ATP2B2: variants seen among roughly 807,000 people sequenced by gnomAD.
ATP2B2 encodes plasma membrane calcium-transporting ATPase 2.
In ATP2B2, 15 loss-of-function variants were observed where a neutral mutation model predicts 120.0. That is an observed-to-expected ratio of 0.12 (90% CI 0.08 to 0.19). ATP2B2 has a LOEUF of 0.19. Among genes scored for constraint, ATP2B2 ranks in the 10% least tolerant of loss-of-function variants. The pLI is 1.00. For synonymous variants in ATP2B2, 694 were observed against 700.3 expected (o/e 0.99, Z 0.14); for missense variants, 1,045 against 1,719.8 (o/e 0.61, Z 6.94).
intron 1 of ATP2B2, among the ~76,000 whole-genome samples, chr3:10,658,546 A>G (rs1431718307): frequency 5.9e-5 from 9 of 152,346 alleles, no homozygotes; most frequent in African/African-American, 2.2e-4. Context: ...TTTAGAGAAA[A>G]AAGAGTAAAA....
chr3:10,527,897 G>C (rs4684708), intron 3 of ATP2B2, among the ~76,000 whole-genome samples: 86,926 of 151,946 alleles, frequency 0.57, 25,832 homozygotes, highest in East Asian at 0.93. Flanking sequence ...CCACGGCACC[G>C]AGGCCTGGCT....
chr3:10,685,302 C>T (rs184263625), intron 1 of ATP2B2, among the ~76,000 whole-genome samples: 90 of 152,268 alleles, frequency 5.9e-4, no homozygotes, highest in African/African-American at 2.1e-3. Context: ...TGGGACCAGA[C>T]GGGTCCTGAA....
chr3:10,332,131 C>T, intron 22 of ATP2B2: 1 of 1,097,288 alleles, frequency 9.1e-7, no homozygotes, highest in Non-Finnish European at 1.4e-6. Flanking sequence ...CAAGGTTGCA[C>T]TAAATTAGTT....
rs1213960811 is a variant in ATP2B2 at position 10,600,663 on chromosome 3, G to A, written c.-415+19254C>T. 2.6e-5 allele frequency among the ~76,000 whole-genome samples: 4 copies of A among 152,300 alleles called. No individual in the cohort carries two copies. In the East Asian group the frequency reaches 5.8e-4, roughly 22 times the overall value. ...TGGTTCCTAATCAGTGGGATCTGCC[G>A]CCCCCTCCCTGCCCCTGGCCCGGCA... On this transcript the variant is annotated intron_variant, in intron 2 of 21. Coordinates refer to the ATP2B2 transcript ENST00000646379.
At chr3:10,370,172 T>G (rs1390202773) in intron 12 of ATP2B2, among the ~76,000 whole-genome samples, 1 of 152,240 alleles carries the variant, frequency 6.6e-6, no homozygotes, top group Non-Finnish European at 1.5e-5. Flanking sequence ...TAATTGAGAC[T>G]CATCACTGTG....
chr3:10,609,907 G>A (rs2069183068), intron 2 of ATP2B2, among the ~76,000 whole-genome samples: 3 of 151,884 alleles, frequency 2.0e-5, no homozygotes, highest in African/African-American at 7.3e-5. Flanking sequence ...TCCCATCCTC[G>A]GCCACAATGG....
At chr3:10,649,504 G>A (rs1238129782) in intron 1 of ATP2B2, among the ~76,000 whole-genome samples, 2 of 152,170 alleles carry the variant, frequency 1.3e-5, no homozygotes, top group African/African-American at 4.8e-5. Flanking sequence ...TCCAGCACAG[G>A]CCTTTTGCAT....
At chr3:10,406,022 TG>T in intron 3 of ATP2B2, among the ~76,000 whole-genome samples, 1 of 152,272 alleles carries the variant, frequency 6.6e-6, no homozygotes, top group South Asian at 2.1e-4. Context: ...AAAATGATGT[TG>T]GTAGAGGACT....
chr3:10,492,213 G>A (rs1456503150), intron 1 of ATP2B2, among the ~76,000 whole-genome samples: 1 of 151,896 alleles, frequency 6.6e-6, no homozygotes, highest in African/African-American at 2.4e-5. Flanking sequence ...CTTCTCCGGG[G>A]TGCTCTGCTG....
At chr3:10,573,865 T>C (rs369641983) in intron 2 of ATP2B2, among the ~76,000 whole-genome samples, 61 of 152,162 alleles carry the variant, frequency 4.0e-4, no homozygotes, top group African/African-American at 1.5e-3. Flanking sequence ...CTCTGGGAGC[T>C]GTCAGCCCAG....
At chr3:10,357,153 G>A (rs1404791662) in intron 14 of ATP2B2, among the ~76,000 whole-genome samples, 1 of 152,178 alleles carries the variant, frequency 6.6e-6, no homozygotes, top group Non-Finnish European at 1.5e-5. Context: ...CTACTGAAGA[G>A]GGCATGAAGG....
rs554075329 is a variant in ATP2B2, at chr3:10,417,488, C to T, written c.200-6673G>A. The stretch of plus-strand genomic sequence containing the variant: ...AGCTGGACGGCCCACAATGGGTGTC[C>T]TGCACCAGATGCCAGGCCCCACTCA... On this transcript the variant is annotated intron_variant, in intron 2 of 22. Transcript: ENST00000360273. Among the ~76,000 whole-genome samples the T allele has an allele frequency of 4.6e-5, 7 of 152,316 alleles. No individual in the cohort carries two copies. In the East Asian group the frequency reaches 1.3e-3, roughly 29 times the overall value.
At chr3:10,482,667 C>A (rs558625784) in intron 1 of ATP2B2, among the ~76,000 whole-genome samples, 2 of 152,320 alleles carry the variant, frequency 1.3e-5, no homozygotes. Context: ...TGCCAGGTCT[C>A]CCCCCTGAGG....
intron 5 of ATP2B2, among the ~76,000 whole-genome samples, chr3:10,396,994 C>G (rs1038410534): frequency 6.6e-6 from 1 of 152,178 alleles, no homozygotes; most frequent in African/African-American, 2.4e-5. Flanking sequence ...CAGCACTGTG[C>G]TAGGGGATCC....
intron 21 of ATP2B2, among the ~76,000 whole-genome samples, chr3:10,339,196 G>C (rs1028249920): frequency 5.9e-5 from 9 of 152,246 alleles, no homozygotes; most frequent in Non-Finnish European, 1.2e-4. Flanking sequence ...GCCTCCTGTA[G>C]GGGGTGGGCC....
At chr3:10,688,581 T>A (rs1485854390) in intron 1 of ATP2B2, among the ~76,000 whole-genome samples, 1 of 152,026 alleles carries the variant, frequency 6.6e-6, no homozygotes, top group African/African-American at 2.4e-5. Context: ...ATGACCCAGG[T>A]CCCCCAAGAA....
At chr3:10,612,136 T>C (rs2069256152) in intron 2 of ATP2B2, among the ~76,000 whole-genome samples, 2 of 152,164 alleles carry the variant, frequency 1.3e-5, no homozygotes. Context: ...GTGCTGCATA[T>C]GCTCTCTGGC....
upstream of ATP2B2, among the ~76,000 whole-genome samples, chr3:10,508,321 C>T (rs564816800): frequency 6.6e-6 from 1 of 152,354 alleles, no homozygotes; most frequent in South Asian, 2.1e-4. Flanking sequence ...CTTCCCCAGA[C>T]AGTCCTTCCT....
At chr3:10,364,188 A>G (rs1428823029) in intron 12 of ATP2B2, among the ~76,000 whole-genome samples, 2 of 152,206 alleles carry the variant, frequency 1.3e-5, no homozygotes, top group African/African-American at 2.4e-5. Context: ...TCAGATTTAC[A>G]GACAGAAAGG....
Sources: allele counts gnomAD v4.1 joint callset (sites outside exome capture counted in the v4.1 genomes callset), GRCh38; gene constraint gnomAD v4.1.1; transcripts MANE v1.5; gene names NCBI Gene and HGNC (gene_info 2026-07-23, HGNC 2026-07-21).